Variants in CEP112 observed in about 807,000 individuals in gnomAD.
CEP112 encodes centrosomal protein of 112 kDa.
CEP112 carries 127 observed loss-of-function variants against 153.0 expected under a neutral mutation model. The observed-to-expected ratio is 0.83, with a 90% CI of 0.72 to 0.96. The LOEUF (loss-of-function observed/expected upper bound fraction) is 0.96. Among genes scored for constraint, CEP112 ranks in the 40% least tolerant of loss-of-function variants. The probability of loss-of-function intolerance (pLI) is 0.00; values close to 1 mark genes in which losing one functional copy is unlikely to be tolerated. For missense variants in CEP112, 1,089 were observed against 1,101.2 expected (o/e 0.99, Z 0.16); for synonymous variants, 358 against 374.4 (o/e 0.96, Z 0.51).
At chr17:65,776,997 T>C (rs930303725) in intron 21 of CEP112, among the ~76,000 whole-genome samples, 1 of 152,218 alleles carries the variant, frequency 6.6e-6, no homozygotes, top group African/African-American at 2.4e-5. Flanking sequence ...TTCTCCCTTC[T>C]TCCATAAGAA....
chr17:66,035,560 G>T (rs2065702737), intron 12 of CEP112, among the ~76,000 whole-genome samples: 1 of 152,120 alleles, frequency 6.6e-6, no homozygotes, highest in African/African-American at 2.4e-5. Context: ...TTTAAAAATA[G>T]AACTACCAAA....
chr17:66,170,906 T>C (rs1288211270), intron 4 of CEP112, among the ~76,000 whole-genome samples: 1 of 151,976 alleles, frequency 6.6e-6, no homozygotes, highest in East Asian at 1.9e-4. Context: ...CCAAGAAATA[T>C]GAAAAATGAA....
intron 21 of CEP112, among the ~76,000 whole-genome samples, chr17:65,814,035 C>T (rs769927651): frequency 7.9e-5 from 12 of 152,086 alleles, no homozygotes; most frequent in Non-Finnish European, 1.3e-4. Context: ...TAATAAATAC[C>T]TATATCCTCT....
intron 4 of CEP112, among the ~76,000 whole-genome samples, chr17:66,166,015 C>G (rs2071939398): frequency 6.6e-6 from 1 of 152,102 alleles, no homozygotes; most frequent in Non-Finnish European, 1.5e-5. Flanking sequence ...GATAATTATT[C>G]TCCAAGTTCT....
intron 23 of CEP112, among the ~76,000 whole-genome samples, chr17:65,716,224 T>A (rs1401054335): frequency 1.3e-5 from 2 of 152,134 alleles, no homozygotes; most frequent in East Asian, 3.9e-4. Context: ...TGGCGCAATC[T>A]CGGCTCATTG....
intron 6 of CEP112, among the ~76,000 whole-genome samples, chr17:66,127,166 T>G (rs1056200131): frequency 2.0e-5 from 3 of 152,176 alleles, no homozygotes; most frequent in African/African-American, 7.2e-5. Context: ...TCACAATATC[T>G]TAAATGTTTT....
chr17:65,825,030 T>C (rs1750952906), intron 21 of CEP112, among the ~76,000 whole-genome samples: 1 of 152,230 alleles, frequency 6.6e-6, no homozygotes, highest in Admixed American at 6.5e-5. Flanking sequence ...CACATCCATG[T>C]TCACAAAAAC....
chr17:66,029,309 G>GA, intron 13 of CEP112, 57 bp from the exon 14 acceptor site: 2 of 1,280,538 alleles, frequency 1.6e-6, no homozygotes, highest in Non-Finnish European at 2.1e-6. Flanking sequence ...TCTCTAAAAT[G>GA]AAATTTTTTA....
At chr17:65,783,304 A>G (rs2054099802) in intron 21 of CEP112, among the ~76,000 whole-genome samples, 1 of 152,214 alleles carries the variant, frequency 6.6e-6, no homozygotes, top group African/African-American at 2.4e-5. Context: ...GTTGATGAGA[A>G]TGTGTCAAAA....
intron 24 of CEP112, among the ~76,000 whole-genome samples, chr17:65,663,347 C>T (rs1178536435): frequency 6.6e-6 from 1 of 152,106 alleles, no homozygotes; most frequent in Non-Finnish European, 1.5e-5. Flanking sequence ...TTAAATGTCC[C>T]TTATGGCAAA....
intron 21 of CEP112, among the ~76,000 whole-genome samples, chr17:65,763,494 T>G (rs934071579): frequency 6.6e-6 from 1 of 152,026 alleles, no homozygotes; most frequent in Non-Finnish European, 1.5e-5. Context: ...GATATTTTAT[T>G]GTTTTTTTTC....
chr17:66,157,197 A>G (rs1332059950), intron 4 of CEP112, among the ~76,000 whole-genome samples: 1 of 152,222 alleles, frequency 6.6e-6, no homozygotes, highest in Non-Finnish European at 1.5e-5. Flanking sequence ...AAACCCTACA[A>G]GCCAGAAGAG....
At chr17:66,152,344 T>C (rs1300957730) in intron 4 of CEP112, among the ~76,000 whole-genome samples, 1 of 152,202 alleles carries the variant, frequency 6.6e-6, no homozygotes, top group Non-Finnish European at 1.5e-5. Context: ...TTAGAAAATA[T>C]GCTTGAGGAA....
intron 18 of CEP112, among the ~76,000 whole-genome samples, chr17:65,942,449 G>C (rs1011262311): frequency 3.7e-4 from 56 of 151,966 alleles, no homozygotes; most frequent in African/African-American, 1.3e-3. Context: ...CTGCTACATT[G>C]GCAGCTCAAA....
At chr17:65,745,938 C>T (rs531460010) in intron 22 of CEP112, among the ~76,000 whole-genome samples, 2 of 151,778 alleles carry the variant, frequency 1.3e-5, no homozygotes, top group East Asian at 1.9e-4. Flanking sequence ...TTGAGGCGGC[C>T]GGATCACCTG....
chr17:65,692,761 A>C (rs963269612), intron 23 of CEP112, among the ~76,000 whole-genome samples: 2 of 152,082 alleles, frequency 1.3e-5, no homozygotes, highest in African/African-American at 4.8e-5. Flanking sequence ...TCTGGGTGGC[A>C]TGCAACTGCA....
At chr17:65,755,923 G>A (rs934032708) in intron 21 of CEP112, among the ~76,000 whole-genome samples, 9 of 152,122 alleles carry the variant, frequency 5.9e-5, no homozygotes, top group African/African-American at 1.9e-4. Flanking sequence ...GAATTCAGAA[G>A]TCATCAGTTT....
chr17:66,127,385 T>C (rs964758802), intron 6 of CEP112, among the ~76,000 whole-genome samples: 1 of 152,226 alleles, frequency 6.6e-6, no homozygotes, highest in Non-Finnish European at 1.5e-5. Context: ...TTTCCTGTGC[T>C]CTTCTCCCAC....
intron 8 of CEP112, among the ~76,000 whole-genome samples, chr17:66,083,835 G>A (rs570606813): frequency 9.9e-5 from 15 of 152,218 alleles, no homozygotes; most frequent in Non-Finnish European, 2.1e-4. Context: ...TCCAGCCTGG[G>A]TGACTGAGCG....
Sources: gnomAD v4.1 joint callset for allele counts (sites outside exome capture counted in the v4.1 genomes callset) on GRCh38, gnomAD v4.1.1 for gene constraint, MANE v1.5 for transcripts, NCBI Gene and HGNC (gene_info 2026-07-23, HGNC 2026-07-21) for gene names.